AXDND1: variants seen among roughly 807,000 people sequenced by gnomAD.
AXDND1 encodes the protein axonemal dynein light chain domain-containing protein 1.
In AXDND1, 110 loss-of-function variants were observed where a neutral mutation model predicts 137.5. The observed-to-expected ratio is 0.80, with a 90% confidence interval of 0.69 to 0.94. The LOEUF (loss-of-function observed/expected upper bound fraction) is 0.94. Among genes scored for constraint, AXDND1 ranks in the 40% least tolerant of loss-of-function variants. AXDND1 has a pLI of 0.00. For synonymous variants in AXDND1, 414 were observed against 399.7 expected, an observed-to-expected ratio of 1.04 and a Z score of -0.43; for missense variants, 1,191 against 1,169.8, an observed-to-expected ratio of 1.02 and a Z score of -0.26.
chr1:179,500,612 A>G (rs6703019), intron 20 of AXDND1, among the ~76,000 whole-genome samples: 28,123 of 152,120 alleles, frequency 0.18, 3,193 homozygotes, highest in Non-Finnish European at 0.25. Flanking sequence ...TCAGGATGCT[A>G]TGTAGCGATC....
intron 15 of AXDND1, among the ~76,000 whole-genome samples, chr1:179,434,028 G>T (rs1657775685): frequency 6.6e-6 from 1 of 152,090 alleles, no homozygotes; most frequent in Non-Finnish European, 1.5e-5. Context: ...TTATGAATCT[G>T]GGTGCTTCTG....
At chr1:179,385,510 T>G in intron 9 of AXDND1, 151 bp downstream of exon 9, 1 of 885,242 alleles carries the variant, frequency 1.1e-6, no homozygotes, top group Non-Finnish European at 1.8e-6. Context: ...TTTTTGTTAA[T>G]ATATGGAAAG....
At position 179,491,662 on chromosome 1, in the gene AXDND1, T is replaced by C. The variant is rs772081603; in HGVS notation, c.2216T>C (p.Ile739Thr). Residue 739 changes from isoleucine to threonine, a missense_variant, in exon 19 of 26, where the codon ATA becomes ACA. Ile to Thr is a moderately conservative substitution (Grantham distance 89, BLOSUM62 -1). Transcript: ENST00000367618. ...GAGGAAAGTGCTGAGAAACATGATATAGGAGTTGCGCGATTGGAGCTAGAT... is the reference window on the plus strand; with the variant it reads ...GAGGAAAGTGCTGAGAAACATGATACAGGAGTTGCGCGATTGGAGCTAGAT... ...LEEESAEKHD[I>T]GVARLELDAI... 13 of 1,613,002 alleles carry C rather than the reference T, an allele frequency of 8.1e-6. No individual in the cohort carries two copies. The highest frequency in any genetic ancestry group is 4.0e-5 in the African/African-American group (3 of 74,980).
At position 179,366,443 on chromosome 1, in the gene AXDND1, T is replaced by C. The variant is rs538211540; in HGVS notation, c.-67T>C. 22 of 1,321,000 alleles carry C rather than the reference T, an allele frequency of 1.7e-5. No homozygotes were observed. The highest frequency in any genetic ancestry group is 2.2e-5 in the Non-Finnish European group (20 of 917,730). 81.8% of individuals were successfully genotyped at this position (1,321,000 alleles called of 1,614,324 possible). On this transcript the variant is annotated 5_prime_UTR_variant, in exon 2 of 26. Transcript: ENST00000367618. ...CTGCAAGTCCCAGTGCGGCGCTGAT[T>C]TGTGTCTAAATTAGCTTTCCGGAGG... is the stretch of plus-strand genomic sequence containing the variant.
intron 21 of AXDND1, among the ~76,000 whole-genome samples, chr1:179,522,119 T>G (rs1670117588): frequency 6.6e-6 from 1 of 152,148 alleles, no homozygotes; most frequent in Non-Finnish European, 1.5e-5. Flanking sequence ...CTTCTAGAAC[T>G]CTAAATGAAT....
In AXDND1 at chr1:179,533,814, G is replaced by A. The variant is rs758242428; in HGVS notation, c.2735G>A (p.Gly912Asp). Residue 912 changes from glycine to aspartate, a missense_variant, in exon 24 of 26, where the codon GGT (glycine) becomes GAT (aspartate). Gly to Asp is a moderately conservative substitution (Grantham distance 94). Transcript: ENST00000367618. ...TGTCAGAGAGAGTCAGCTAAGCAAG[G>A]TACATTGGCCCAAAAATATCTTGAA... ...LSSWRESAKQ[G>D]TLAQKYLEAM... The A allele has an allele frequency of 6.2e-7, 1 of 1,612,850 alleles. No homozygotes were observed. The highest frequency in any genetic ancestry group is 8.5e-7 in the Non-Finnish European group (1 of 1,179,144).
At chr1:179,456,715 C>T in intron 16 of AXDND1, 1 of 782,630 alleles carries the variant, frequency 1.3e-6, no homozygotes, top group Non-Finnish European at 2.3e-6. Context: ...CCACTGAAAC[C>T]ACCTCCATGA....
intron 20 of AXDND1, among the ~76,000 whole-genome samples, chr1:179,501,791 A>G (rs115053446): frequency 0.021 from 3,206 of 152,232 alleles, 58 homozygotes; most frequent in Non-Finnish European, 0.026. Flanking sequence ...ATGAAATGAG[A>G]CTTTTACTTC....
At chr1:179,463,851 T>G (rs1317987236) in intron 16 of AXDND1, among the ~76,000 whole-genome samples, 1 of 152,210 alleles carries the variant, frequency 6.6e-6, no homozygotes, top group East Asian at 1.9e-4. Context: ...TCTTGTTGAA[T>G]TGATCCCTTT....
chr1:179,431,067 A>G (rs1657297561), intron 14 of AXDND1, among the ~76,000 whole-genome samples: 1 of 152,328 alleles, frequency 6.6e-6, no homozygotes, highest in Admixed American at 6.5e-5. Flanking sequence ...TTGAGGTCAG[A>G]TGGCTAAATC....
At chr1:179,500,804 C>G (rs190911889) in intron 20 of AXDND1, among the ~76,000 whole-genome samples, 184 of 152,186 alleles carry the variant, frequency 1.2e-3, no homozygotes, top group African/African-American at 4.3e-3. Flanking sequence ...CCTGAGTAGC[C>G]GGGATTACAG....
Position 179,528,422 on chromosome 1 carries a change from G to A in AXDND1, c.2706G>A (p.Leu902=), listed in dbSNP as rs545575727. 1.9e-6 allele frequency: 3 copies of A among 1,609,626 alleles called. No individual in the cohort carries two copies. The highest frequency in any genetic ancestry group is 2.6e-6 in the Non-Finnish European group (3 of 1,176,044). ...HSKPLFETDV[L]SSWRESAKQG... is the part of the protein sequence containing the mutation. ...AACCTCTATTTGAAACAGATGTGTT[G>A]TCTTCCTGGGTATGTATCTGAAACC... is the stretch of plus-strand genomic sequence containing the variant. The change falls in exon 23 of 26, where the codon TTG becomes TTA. Residue 902 remains leucine, a synonymous_variant. Coordinates refer to ENST00000367618, the MANE Select transcript of AXDND1 (RefSeq NM_144696.6).
At position 179,419,106 on chromosome 1, in the gene AXDND1, G is replaced by A. The variant is rs1334250840; in HGVS notation, c.1230+7840G>A. Among the ~76,000 whole-genome samples the A allele has an allele frequency of 5.9e-5, 9 of 151,522 alleles. No individual in the cohort carries two copies. In the South Asian group the frequency reaches 8.4e-4, roughly 14 times the overall value. ...TCACTTCCTAGATGGGATGGCGGCC[G>A]GGCAGAGACGCTCCTCACTTTCCAG... On this transcript the variant is annotated intron_variant, in intron 12 of 25. Coordinates refer to ENST00000367618, the MANE Select transcript of AXDND1 (RefSeq NM_144696.6).
chr1:179,483,244 G>C, intron 18 of AXDND1, 23 bp downstream of exon 18: 2 of 1,528,222 alleles, frequency 1.3e-6, no homozygotes, highest in Non-Finnish European at 1.8e-6. Flanking sequence ...AAGGGTTTTT[G>C]ACGTTATATT....
chr1:179,528,823 C>T (rs1670792039), intron 23 of AXDND1, among the ~76,000 whole-genome samples: 1 of 152,046 alleles, frequency 6.6e-6, no homozygotes. Flanking sequence ...ATCTCCCGAC[C>T]TCAGGTGATC....
intron 18 of AXDND1, among the ~76,000 whole-genome samples, chr1:179,486,811 A>G (rs1179565875): frequency 6.7e-6 from 1 of 148,776 alleles, no homozygotes; most frequent in Non-Finnish European, 1.5e-5. Context: ...TGTGCCTTAC[A>G]GGAGGTCCTG....
intron 25 of AXDND1, among the ~76,000 whole-genome samples, chr1:179,541,697 C>A (rs879381626): frequency 3.5e-5 from 5 of 141,462 alleles, no homozygotes; most frequent in Non-Finnish European, 7.4e-5. Context: ...TGATAATATG[C>A]ATGATAATAT....
At chr1:179,546,405 T>A (rs1672650496) in intron 25 of AXDND1, among the ~76,000 whole-genome samples, 1 of 152,016 alleles carries the variant, frequency 6.6e-6, no homozygotes, top group South Asian at 2.1e-4. Context: ...AAGTAACTGC[T>A]TTGTGGGAAG....
At chr1:179,531,223 G>T (rs34463289) in intron 23 of AXDND1, among the ~76,000 whole-genome samples, 30,579 of 151,944 alleles carry the variant, frequency 0.2, 3,212 homozygotes, top group Non-Finnish European at 0.23. Flanking sequence ...CCATCCTGTT[G>T]TCAGAAGCTT....
Sources: gnomAD v4.1 joint callset for allele counts (sites outside exome capture counted in the v4.1 genomes callset) on GRCh38, gnomAD v4.1.1 for gene constraint, MANE v1.5 for transcripts, NCBI Gene and HGNC (gene_info 2026-07-23, HGNC 2026-07-21) for gene names.